The following SORCS3 variants were observed in gnomAD, a reference collection of about 807,000 sequenced individuals.
The protein encoded by SORCS3 is sortilin related VPS10 domain containing receptor 3.
In SORCS3, 57 loss-of-function variants were observed where a neutral mutation model predicts 146.3. The ratio of observed to expected loss-of-function variants is 0.39; its 90% CI spans 0.31 to 0.49. The LOEUF is 0.49. Ranked by LOEUF, SORCS3 falls within the 20% of genes least tolerant of loss-of-function variation. The pLI, the probability that SORCS3 is intolerant of heterozygous loss-of-function variation, is 0.92. For missense variants in SORCS3, 1,341 were observed against 1,575.5 expected (o/e 0.85, Z 2.52); for synonymous variants, 653 against 618.5 (o/e 1.06, Z -0.83).
rs1371063197 is a variant in SORCS3 at position 104,725,777 on chromosome 10, T to A, written c.627+83823T>A. ...CGTGGGCATAGGACCCGCTGAGCCA[T>A]GCGCGGGATATAATCTCCTGGTGTG... On this transcript the variant is annotated intron_variant, in intron 1 of 26. Transcript: ENST00000369701. 2.0e-5 allele frequency among the ~76,000 whole-genome samples: 3 copies of A among 152,348 alleles called. No homozygotes were observed. The East Asian group carries it at 5.8e-4, about 29-fold the overall frequency.
chr10:104,695,340 G>A (rs893273746), intron 1 of SORCS3, among the ~76,000 whole-genome samples: 1 of 151,714 alleles, frequency 6.6e-6, no homozygotes, highest in African/African-American at 2.4e-5. Context: ...TTTGTTATTT[G>A]CTGGGGGGTT....
rs751545984 is a variant in SORCS3 at position 105,043,051 on chromosome 10, G to A, written c.955-4G>A. On this transcript the variant is annotated splice_polypyrimidine_tract_variant and splice_region_variant and intron_variant, in intron 4 of 26. Coordinates refer to ENST00000369701, the MANE Select transcript of SORCS3 (RefSeq NM_014978.3). ...ACTTACATTCTCACTTCATTGTTTT[G>A]CAGCTCTACAGCTCCATGGACTTTG... 8 of 1,613,298 alleles carry A rather than the reference G, an allele frequency of 5.0e-6. No homozygotes were observed. The highest frequency in any genetic ancestry group is 2.7e-5 in the African/African-American group (2 of 74,854).
At chr10:104,900,497 AT>A (rs757696749) in intron 2 of SORCS3, among the ~76,000 whole-genome samples, 36 of 152,224 alleles carry the variant, frequency 2.4e-4, no homozygotes, top group Admixed American at 3.9e-4. Context: ...TTCCTATCTC[AT>A]TTCTTGTAAG....
intron 6 of SORCS3, among the ~76,000 whole-genome samples, chr10:105,101,653 T>C (rs1026486966): frequency 1.3e-5 from 2 of 152,204 alleles, no homozygotes; most frequent in Non-Finnish European, 2.9e-5. Flanking sequence ...AGGTAGGTTT[T>C]GATTTTGTTT....
intron 1 of SORCS3, among the ~76,000 whole-genome samples, chr10:104,718,484 A>G (rs1473762277): frequency 6.6e-6 from 1 of 152,172 alleles, no homozygotes; most frequent in Non-Finnish European, 1.5e-5. Flanking sequence ...TAAGTTTCCA[A>G]CACATGTGCT....
chr10:104,980,983 G>A (rs978312825), intron 4 of SORCS3, among the ~76,000 whole-genome samples: 52 of 152,160 alleles, frequency 3.4e-4, no homozygotes, highest in African/African-American at 1.1e-3. Flanking sequence ...CCTGATACCG[G>A]CCAAGGCCTG....
At chr10:105,175,994 C>T (rs1400765479) in intron 13 of SORCS3, among the ~76,000 whole-genome samples, 1 of 151,980 alleles carries the variant, frequency 6.6e-6, no homozygotes, top group African/African-American at 2.4e-5. Flanking sequence ...GATAGAAAGA[C>T]AAAGAAGTAA....
chr10:104,988,005 A>G (rs1460292695), intron 4 of SORCS3, among the ~76,000 whole-genome samples: 4 of 152,132 alleles, frequency 2.6e-5, no homozygotes, highest in Admixed American at 2.6e-4. Flanking sequence ...CTGAAGTACC[A>G]CCTTCCCATG....
At chr10:105,147,438 A>G (rs1211866285) in intron 8 of SORCS3, among the ~76,000 whole-genome samples, 179 bp from the exon 9 acceptor site, 1 of 152,182 alleles carries the variant, frequency 6.6e-6, no homozygotes. Context: ...TCACTTAGCA[A>G]GGAACAGAAA....
At chr10:104,941,519 C>T (rs1380916266) in intron 3 of SORCS3, among the ~76,000 whole-genome samples, 4 of 152,116 alleles carry the variant, frequency 2.6e-5, no homozygotes, top group African/African-American at 9.7e-5. Flanking sequence ...AGGCTGTGCA[C>T]ATCTTCTTTA....
chr10:104,733,450 A>C (rs771163890), intron 1 of SORCS3, among the ~76,000 whole-genome samples: 12 of 152,046 alleles, frequency 7.9e-5, no homozygotes, highest in Admixed American at 1.3e-4. Flanking sequence ...CCTAGGTTGA[A>C]GTGGTCTTCC....
chr10:104,905,559 A>C (rs912101547), intron 2 of SORCS3, among the ~76,000 whole-genome samples: 2 of 152,212 alleles, frequency 1.3e-5, no homozygotes, highest in Non-Finnish European at 2.9e-5. Flanking sequence ...TTTACCCTGC[A>C]TGGCATTATT....
At chr10:105,203,022 G>A (rs1466841486) in intron 16 of SORCS3, among the ~76,000 whole-genome samples, 1 of 152,108 alleles carries the variant, frequency 6.6e-6, no homozygotes, top group Non-Finnish European at 1.5e-5. Flanking sequence ...GCCCCTGAAT[G>A]GCAGCCTCAC....
intron 1 of SORCS3, among the ~76,000 whole-genome samples, chr10:104,758,500 A>T (rs2017084857): frequency 6.6e-6 from 1 of 152,130 alleles, no homozygotes. Context: ...GAGAGTCTGT[A>T]GGGGCCATTG....
chr10:105,011,662 C>G (rs903583586), intron 4 of SORCS3, among the ~76,000 whole-genome samples: 5 of 152,198 alleles, frequency 3.3e-5, no homozygotes, highest in African/African-American at 9.6e-5. Flanking sequence ...CTAGGGCCTA[C>G]TCTAGTGGCC....
At chr10:105,181,675 C>A (rs910398986) in intron 14 of SORCS3, among the ~76,000 whole-genome samples, 3 of 152,128 alleles carry the variant, frequency 2.0e-5, no homozygotes, top group Non-Finnish European at 4.4e-5. Flanking sequence ...ATTTAAACAT[C>A]CCCCTGGTAA....
intron 4 of SORCS3, among the ~76,000 whole-genome samples, chr10:105,012,061 G>A (rs183742401): frequency 2.0e-5 from 3 of 152,268 alleles, no homozygotes; most frequent in South Asian, 4.2e-4. Flanking sequence ...ATTTGAGAGA[G>A]CATAAGTTTC....
At chr10:104,843,087 T>C (rs1462419837) in intron 2 of SORCS3, among the ~76,000 whole-genome samples, 1 of 152,198 alleles carries the variant, frequency 6.6e-6, no homozygotes, top group East Asian at 1.9e-4. Flanking sequence ...CTCTCATTGC[T>C]TCTGTGCTTT....
At chr10:104,887,928 C>G (rs569618519) in intron 2 of SORCS3, among the ~76,000 whole-genome samples, 4 of 136,030 alleles carry the variant, frequency 2.9e-5, no homozygotes, top group South Asian at 4.5e-4. Context: ...TCTCTCTTAT[C>G]TTCCATACCT....
Sources: gnomAD v4.1 joint callset for allele counts (sites outside exome capture counted in the v4.1 genomes callset) on GRCh38, gnomAD v4.1.1 for gene constraint, MANE v1.5 for transcripts, NCBI Gene and HGNC (gene_info 2026-07-23, HGNC 2026-07-21) for gene names.